MAML3: variants seen among roughly 807,000 people sequenced by gnomAD.
MAML3 encodes the protein mastermind like transcriptional coactivator 3.
In MAML3, 27 loss-of-function variants were observed where a neutral mutation model predicts 101.9. That is an observed-to-expected ratio of 0.27 (90% confidence interval 0.20 to 0.37). MAML3 has a LOEUF of 0.37. MAML3 is among the 10% of genes least tolerant of loss of function. The probability of loss-of-function intolerance (pLI) is 1.00; values close to 1 mark genes in which losing one functional copy is unlikely to be tolerated. For missense variants in MAML3, 1,316 were observed against 1,444.9 expected, an observed-to-expected ratio of 0.91 and a Z score of 1.45; for synonymous variants, 501 against 555.9, an observed-to-expected ratio of 0.90 and a Z score of 1.39.
chr4:140,098,016 G>A (rs150411634), intron 1 of MAML3, among the ~76,000 whole-genome samples: 14 of 152,286 alleles, frequency 9.2e-5, no homozygotes, highest in African/African-American at 3.4e-4. Context: ...TCTCCACTAC[G>A]AAGTATTAGA....
At chr4:139,857,459 T>C (rs1731682391) in intron 2 of MAML3, among the ~76,000 whole-genome samples, 1 of 152,132 alleles carries the variant, frequency 6.6e-6, no homozygotes, top group South Asian at 2.1e-4. Context: ...AACCAACATA[T>C]TGATAATAAG....
intron 1 of MAML3, among the ~76,000 whole-genome samples, chr4:140,143,739 C>T (rs1042814265): frequency 2.6e-5 from 4 of 152,042 alleles, no homozygotes; most frequent in Non-Finnish European, 5.9e-5. Context: ...CTAGCCTGGG[C>T]GACAGAGCGA....
At chr4:139,754,120 T>C (rs1312039777) in intron 2 of MAML3, among the ~76,000 whole-genome samples, 1 of 152,242 alleles carries the variant, frequency 6.6e-6, no homozygotes, top group Non-Finnish European at 1.5e-5. Context: ...AACTGGCATA[T>C]GCCCTATGAC....
At position 139,735,738 on chromosome 4, in the gene MAML3, G is replaced by T. The variant is rs941965900; in HGVS notation, c.2080-5071C>A. Among the ~76,000 whole-genome samples the T allele has an allele frequency of 6.6e-6, 1 of 152,210 alleles. No homozygotes were observed. Among genetic ancestry groups the T allele is most frequent in the Non-Finnish European group, 1.5e-5 (1 of 68,028 alleles). On this transcript the variant is annotated intron_variant, in intron 2 of 4. Transcript: ENST00000509479. The surrounding 1 kb of genome is among the most constrained non-coding windows in gnomAD (Gnocchi z 5.8). ...CCTATATGCTTACAAGTCCTCAGGG[G>T]ACTCCGGCTAGGAAGTCAGGAGTGG...
At chr4:139,766,007 T>A (rs1729853448) in intron 2 of MAML3, among the ~76,000 whole-genome samples, 1 of 151,930 alleles carries the variant, frequency 6.6e-6, no homozygotes, top group Non-Finnish European at 1.5e-5. Context: ...AATAAATAAA[T>A]AAAAAGAATG....
Position 140,053,328 on chromosome 4 carries a change from C to T in MAML3, c.468+99532G>A, listed in dbSNP as rs1727300563. Among the ~76,000 whole-genome samples the T allele has an allele frequency of 2.0e-5, 3 of 152,162 alleles. No individual in the cohort carries two copies. The South Asian group carries it at 6.2e-4, about 32-fold the overall frequency. ...TACTCCCCTTCATCTCCTTCACTGA[C>T]TCAGCATGCCCCTCGGACCACTGCT... On this transcript the variant is annotated intron_variant, in intron 1 of 4. Coordinates refer to ENST00000509479, the MANE Select transcript of MAML3 (RefSeq NM_018717.5).
intron 2 of MAML3, among the ~76,000 whole-genome samples, chr4:139,882,089 A>C (rs978852494): frequency 1.3e-5 from 2 of 152,200 alleles, no homozygotes; most frequent in African/African-American, 4.8e-5. Context: ...AAATGTGATA[A>C]AATGAAATAT....
intron 2 of MAML3, among the ~76,000 whole-genome samples, chr4:139,845,533 A>T (rs1467448137): frequency 6.6e-6 from 1 of 152,236 alleles, no homozygotes; most frequent in African/African-American, 2.4e-5. Flanking sequence ...TATTCTTTTC[A>T]TGATTGTACT....
At chr4:139,976,426 C>T (rs1322606568) in intron 1 of MAML3, among the ~76,000 whole-genome samples, 4 of 152,188 alleles carry the variant, frequency 2.6e-5, no homozygotes, top group African/African-American at 4.8e-5. Context: ...TAAGACTTTA[C>T]TAGAGCCACA....
chr4:139,825,755 A>T (rs1731049844), intron 2 of MAML3, among the ~76,000 whole-genome samples: 2 of 134,088 alleles, frequency 1.5e-5, no homozygotes, highest in Non-Finnish European at 3.3e-5. Flanking sequence ...ACTTCAAGGA[A>T]GAGAAGAAGG....
chr4:139,741,354 C>A (rs181505234), intron 2 of MAML3, among the ~76,000 whole-genome samples: 1 of 152,156 alleles, frequency 6.6e-6, no homozygotes, highest in East Asian at 1.9e-4. Context: ...CCACAAGAAC[C>A]TTGAGTTTAG....
chr4:139,957,531 T>C (rs1733935874), intron 1 of MAML3, among the ~76,000 whole-genome samples: 1 of 152,228 alleles, frequency 6.6e-6, no homozygotes, highest in Non-Finnish European at 1.5e-5. Flanking sequence ...AAATACAGGA[T>C]AATGCCTGTT....
At chr4:139,835,961 C>G (rs2111139128) in intron 2 of MAML3, among the ~76,000 whole-genome samples, 1 of 152,250 alleles carries the variant, frequency 6.6e-6, no homozygotes, top group South Asian at 2.1e-4. Context: ...TTGATGCTTA[C>G]TCATGAAGGT....
intron 2 of MAML3, among the ~76,000 whole-genome samples, chr4:139,813,307 G>A (rs1345207698): frequency 6.6e-6 from 1 of 152,098 alleles, no homozygotes; most frequent in Non-Finnish European, 1.5e-5. Flanking sequence ...CAGAACTGAA[G>A]GACATGAACT....
At chr4:140,076,887 T>C (rs550893792) in intron 1 of MAML3, among the ~76,000 whole-genome samples, 1 of 152,244 alleles carries the variant, frequency 6.6e-6, no homozygotes, top group East Asian at 1.9e-4. Context: ...TCTTTTTTGT[T>C]GTGGTTGTTG....
chr4:139,834,310 C>CAATA (rs1278662831), intron 2 of MAML3, among the ~76,000 whole-genome samples: 1 of 152,216 alleles, frequency 6.6e-6, no homozygotes, highest in Non-Finnish European at 1.5e-5. Context: ...TGCAACAATA[C>CAATA]AATACTGTAT....
At chr4:139,989,929 C>A (rs1225008246) in intron 1 of MAML3, among the ~76,000 whole-genome samples, 2 of 151,484 alleles carry the variant, frequency 1.3e-5, no homozygotes, top group Non-Finnish European at 2.9e-5. Context: ...TCACTTCCAT[C>A]ACTTCCAGAA....
intron 1 of MAML3, among the ~76,000 whole-genome samples, chr4:139,926,469 G>A (rs1016769991): frequency 4.6e-5 from 7 of 152,178 alleles, no homozygotes; most frequent in South Asian, 2.1e-4. Flanking sequence ...GCATGGTGGC[G>A]GGAGCCTGTA....
intron 1 of MAML3, among the ~76,000 whole-genome samples, chr4:140,018,473 A>G (rs1726681784): frequency 6.6e-6 from 1 of 152,238 alleles, no homozygotes; most frequent in Non-Finnish European, 1.5e-5. Context: ...AGGAATAGGA[A>G]AAAGCAAAGG....
Sources: gnomAD v4.1 joint callset for allele counts (sites outside exome capture counted in the v4.1 genomes callset) on GRCh38, gnomAD v4.1.1 for gene constraint, Gnocchi (gnomAD v3.1) non-coding constraint, MANE v1.5 for transcripts, NCBI Gene and HGNC (gene_info 2026-07-23, HGNC 2026-07-21) for gene names.